Variants in RYR2 observed in about 807,000 individuals in gnomAD.
The protein encoded by RYR2 is ryanodine receptor 2.
Under a neutral mutation model 601.1 loss-of-function variants are expected in RYR2, and 227 were observed. The ratio of observed to expected loss-of-function variants is 0.38; its 90% CI spans 0.34 to 0.42. The LOEUF is 0.42. Ranked by LOEUF, RYR2 falls within the 10% of genes least tolerant of loss-of-function variation. The probability of loss-of-function intolerance (pLI) is 1.00; values close to 1 mark genes in which losing one functional copy is unlikely to be tolerated. For synonymous variants in RYR2, 2,223 were observed against 2,175.1 expected, an observed-to-expected ratio of 1.02 and a Z score of -0.61; for missense variants, 4,646 against 6,156.5, an observed-to-expected ratio of 0.75 and a Z score of 8.21.
At chr1:237,413,505 T>C (rs1043318667) in intron 10 of RYR2, among the ~76,000 whole-genome samples, 2 of 152,178 alleles carry the variant, frequency 1.3e-5, no homozygotes, top group African/African-American at 2.4e-5. Context: ...TTTACAAAGA[T>C]ATATTATTCA....
In RYR2 at chr1:237,395,639, C is replaced by G. The variant is rs866268948; in HGVS notation, c.773+7456C>G. Among the ~76,000 whole-genome samples the G allele has an allele frequency of 4.7e-5, 7 of 150,412 alleles. No individual in the cohort carries two copies. The South Asian group carries it at 1.5e-3, about 32-fold the overall frequency. On this transcript the variant is annotated intron_variant, in intron 10 of 104. Transcript: ENST00000366574. Reference sequence around the variant, plus strand: ...TCTGCTCACTGCAAGCTCTGCCTCCCGGGTTCATGCCATTCTCCTGCCTCA... The same window carrying G: ...TCTGCTCACTGCAAGCTCTGCCTCCGGGGTTCATGCCATTCTCCTGCCTCA...
In RYR2 at chr1:237,506,776, GT is replaced by G. The variant is rs1204191406; in HGVS notation, c.2682del (p.Met895Ter). ...KLAENIHELW[V>X]MNKIELGWQY... The stretch of plus-strand genomic sequence containing the variant: ...GGCAGAGAATATCCATGAACTCTGG[GT>G]TATGAATAAAATTGAGCTTGGCTGG... On this transcript the variant is annotated frameshift_variant, in exon 23 of 105. Transcript: ENST00000366574. LOFTEE classifies it high-confidence loss of function. 1 of 1,613,806 alleles carries G rather than the reference GT, an allele frequency of 6.2e-7. No individual in the cohort carries two copies. Among genetic ancestry groups the G allele is most frequent in the South Asian group, 1.1e-5 (1 of 91,066 alleles).
intron 1 of RYR2, among the ~76,000 whole-genome samples, chr1:237,250,025 G>A (rs1420559684): frequency 6.6e-6 from 1 of 152,204 alleles, no homozygotes; most frequent in Non-Finnish European, 1.5e-5. Context: ...TGATCCTGTA[G>A]AAATGCATTT....
chr1:237,375,906 T>C (rs1318274432), intron 7 of RYR2, among the ~76,000 whole-genome samples: 1 of 152,194 alleles, frequency 6.6e-6, no homozygotes, highest in Non-Finnish European at 1.5e-5. Flanking sequence ...ACAAAACAAG[T>C]CAGTGTTTTC....
In RYR2 at chr1:237,469,258, C is replaced by CA. The variant is rs66912945; in HGVS notation, c.1708+92dup. Reference sequence around the variant, plus strand: ...TTTCTTTGCTTCGTATCCTTTAAGACAAAAAAAAAAAAAAAAAAAAACAAC... The same window carrying CA: ...TTTCTTTGCTTCGTATCCTTTAAGACAAAAAAAAAAAAAAAAAAAAAACAAC... On this transcript the variant is annotated intron_variant, in intron 17 of 104. Coordinates refer to ENST00000366574, the MANE Select transcript of RYR2 (RefSeq NM_001035.3). The CA allele has an allele frequency of 0.3, 33,896 of 112,430 alleles. 6,497 individuals carry two copies. The highest frequency in any genetic ancestry group is 0.35 in the Non-Finnish European group (21,735 of 62,518). 7.0% of individuals were successfully genotyped at this position (112,430 alleles called of 1,614,324 possible).
intron 1 of RYR2, among the ~76,000 whole-genome samples, chr1:237,207,682 T>G (rs1236447478): frequency 6.6e-6 from 1 of 152,150 alleles, no homozygotes; most frequent in Non-Finnish European, 1.5e-5. Flanking sequence ...AAAATAAATT[T>G]CTGTTCTATA....
At chr1:237,598,853 G>A (rs932095548) in intron 34 of RYR2, among the ~76,000 whole-genome samples, 12 of 152,100 alleles carry the variant, frequency 7.9e-5, no homozygotes, top group African/African-American at 2.4e-4. Flanking sequence ...TCAATGATAC[G>A]AAGAGTTGGT....
intron 4 of RYR2, among the ~76,000 whole-genome samples, chr1:237,363,277 T>C (rs1699932765): frequency 6.6e-6 from 1 of 152,124 alleles, no homozygotes; most frequent in Non-Finnish European, 1.5e-5. Flanking sequence ...TGATATTATG[T>C]ATGATTAATA....
intron 101 of RYR2, among the ~76,000 whole-genome samples, chr1:237,826,029 G>C (rs576599682): frequency 6.6e-6 from 1 of 152,260 alleles, no homozygotes; most frequent in South Asian, 2.1e-4. Flanking sequence ...ATGCTGGAGA[G>C]GATATGGAGA....
At chr1:237,368,343 A>G (rs1700365485) in intron 5 of RYR2, among the ~76,000 whole-genome samples, 1 of 152,190 alleles carries the variant, frequency 6.6e-6, no homozygotes, top group Admixed American at 6.5e-5. Flanking sequence ...AGGCTTTCCT[A>G]TTAAAAAGGC....
chr1:237,340,566 C>G (rs1697682732), intron 3 of RYR2, among the ~76,000 whole-genome samples: 1 of 152,172 alleles, frequency 6.6e-6, no homozygotes, highest in African/African-American at 2.4e-5. Context: ...TACGATGCTA[C>G]TAGCTATTTA....
Position 237,678,070 on chromosome 1 carries a change from A to G in RYR2, c.8853A>G (p.Gly2951=). The G allele has an allele frequency of 6.2e-7, 1 of 1,605,186 alleles. No individual in the cohort carries two copies. The highest frequency in any genetic ancestry group is 8.5e-7 in the Non-Finnish European group (1 of 1,173,026). Reference sequence around the variant, plus strand: ...CAGATGGTGGCAGCAGAGGCAAAGGAGAACATTTCCCTTATGAACAAGAAA... The same window carrying G: ...CAGATGGTGGCAGCAGAGGCAAAGGGGAACATTTCCCTTATGAACAAGAAA... The part of the protein sequence containing the change: ...LEFDGGSRGK[G]EHFPYEQEIK... The change falls in exon 61 of 105, where the codon GGA becomes GGG. Residue 2951 remains glycine (G), a synonymous_variant. Transcript: ENST00000366574.
At chr1:237,818,956 C>G in intron 100 of RYR2, 80 bp from the exon 101 acceptor site, 1 of 1,278,094 alleles carries the variant, frequency 7.8e-7, no homozygotes, top group Non-Finnish European at 1.1e-6. Flanking sequence ...GGATTAGGAA[C>G]TACAGAGATA....
At position 237,332,840 on chromosome 1, in the gene RYR2, A is replaced by G. The variant is rs527929534; in HGVS notation, c.273+1858A>G. Among the ~76,000 whole-genome samples the G allele has an allele frequency of 3.6e-4, 55 of 152,282 alleles. No individual in the cohort carries two copies. The South Asian group carries it at 0.011, about 31-fold the overall frequency. On this transcript the variant is annotated intron_variant, in intron 3 of 104. Transcript: ENST00000366574. ...TGAAATATAGGAAGTAATTTGAAAT[A>G]CTGTTTTAGGATTTATGGTTTTTTT...
intron 8 of RYR2, among the ~76,000 whole-genome samples, chr1:237,380,434 G>A (rs1396138477): frequency 9.9e-6 from 1 of 101,194 alleles, no homozygotes; most frequent in African/African-American, 3.9e-5. Context: ...TAAATACGAA[G>A]TCTGGTGAGT....
intron 84 of RYR2, among the ~76,000 whole-genome samples, chr1:237,764,236 C>G (rs1264937143): frequency 6.6e-6 from 1 of 152,116 alleles, no homozygotes; most frequent in East Asian, 1.9e-4. Flanking sequence ...AGAAAGGTTT[C>G]TTGACTTGTC....
At chr1:237,795,834 GTGTATATATATATATGTATA>G (rs1396270564) in intron 96 of RYR2, among the ~76,000 whole-genome samples, 1 of 39,208 alleles carries the variant, frequency 2.6e-5, no homozygotes, top group Non-Finnish European at 4.4e-5. Context: ...ATGTGTGTGT[GTGTATATATATATATGTATA>G]TGTATATATA....
At chr1:237,621,391 A>G (rs1441207454) in intron 38 of RYR2, among the ~76,000 whole-genome samples, 1 of 152,178 alleles carries the variant, frequency 6.6e-6, no homozygotes, top group Non-Finnish European at 1.5e-5. Context: ...GCAAGCAGAA[A>G]GAAGTCACTA....
intron 96 of RYR2, among the ~76,000 whole-genome samples, chr1:237,795,817 G>GGT (rs1383645762): frequency 5.9e-5 from 7 of 117,972 alleles, no homozygotes; most frequent in South Asian, 3.2e-4. Context: ...TGTATATACA[G>GGT]GTATGTATGT....
Sources: allele counts gnomAD v4.1 joint callset (sites outside exome capture counted in the v4.1 genomes callset), GRCh38; gene constraint gnomAD v4.1.1; transcripts MANE v1.5; gene names NCBI Gene and HGNC (gene_info 2026-07-23, HGNC 2026-07-21).